The following AMN1 variants were observed in gnomAD, a reference collection of about 807,000 sequenced individuals.
The protein encoded by AMN1 is antagonist of mitotic exit network 1 homolog.
In AMN1, 20 loss-of-function variants were observed where a neutral mutation model predicts 33.0. The observed-to-expected ratio is 0.61, with a 90% CI of 0.43 to 0.88. The LOEUF (loss-of-function observed/expected upper bound fraction) is 0.88. Among genes scored for constraint, AMN1 ranks in the 40% least tolerant of loss-of-function variants. AMN1 has a pLI of 0.00. For missense variants in AMN1, 246 were observed against 307.4 expected, an observed-to-expected ratio of 0.80 and a Z score of 1.49; for synonymous variants, 114 against 111.9, an observed-to-expected ratio of 1.02 and a Z score of -0.12.
At chr12:31,688,319 A>G (rs1211979953) in intron 6 of AMN1, among the ~76,000 whole-genome samples, 2 of 152,230 alleles carry the variant, frequency 1.3e-5, no homozygotes, top group Non-Finnish European at 2.9e-5. Context: ...TGATAGATGT[A>G]ATATTATAAA....
intron 6 of AMN1, among the ~76,000 whole-genome samples, chr12:31,678,674 C>G (rs889091160): frequency 6.6e-6 from 1 of 152,032 alleles, no homozygotes; most frequent in Non-Finnish European, 1.5e-5. Context: ...GGATTACAGG[C>G]GTGAGCCACC....
rs377469329 is a variant in AMN1 at position 31,721,134 on chromosome 12, T to C, written c.38+7837A>G. Reference sequence around the variant, plus strand: ...AACAGTGCAAAGCCAGCTGCTTATATATCTGGCTCCTGCGACAGTCTGATT... The same window carrying C: ...AACAGTGCAAAGCCAGCTGCTTATACATCTGGCTCCTGCGACAGTCTGATT... On this transcript the variant is annotated intron_variant, in intron 1 of 6. Coordinates refer to ENST00000281471, the MANE Select transcript of AMN1 (RefSeq NM_001113402.2). Among the ~76,000 whole-genome samples, 8 of 152,240 alleles carry C rather than the reference T, an allele frequency of 5.3e-5. No individual in the cohort carries two copies. The East Asian group carries it at 1.3e-3, about 26-fold the overall frequency.
In AMN1 at chr12:31,683,209, T is replaced by C. The variant is rs1484750784; in HGVS notation, c.703+5798A>G. 6.6e-6 allele frequency among the ~76,000 whole-genome samples: 1 copy of C among 152,184 alleles called. No individual in the cohort carries two copies. Among genetic ancestry groups the C allele is most frequent in the Non-Finnish European group, 1.5e-5 (1 of 68,034 alleles). On this transcript the variant is annotated intron_variant, in intron 6 of 6. Transcript: ENST00000281471. The surrounding 1 kb of genome is among the most constrained non-coding windows in gnomAD (Gnocchi z 4.1). ...AACTCCTAATCTCAAGTGATCTGCC[T>C]GCCTTGGCCTCCCAAAGTGCAGGAC... is the stretch of plus-strand genomic sequence containing the variant.
intron 1 of AMN1, among the ~76,000 whole-genome samples, chr12:31,710,812 G>A (rs910210495): frequency 6.6e-6 from 1 of 152,186 alleles, no homozygotes; most frequent in Non-Finnish European, 1.5e-5. Context: ...TATGTTGTCA[G>A]ATTATTTTTC....
intron 6 of AMN1, among the ~76,000 whole-genome samples, chr12:31,685,489 C>G (rs770548958): frequency 2.0e-5 from 3 of 152,114 alleles, no homozygotes; most frequent in Non-Finnish European, 4.4e-5. Flanking sequence ...CCATGACTTT[C>G]ACATTTTTTC....
chr12:31,706,357 A>G (rs1425474234), intron 2 of AMN1, among the ~76,000 whole-genome samples: 2 of 151,058 alleles, frequency 1.3e-5, no homozygotes, highest in African/African-American at 4.9e-5. Flanking sequence ...TTTACCTACA[A>G]CTGTCTTGGT....
chr12:31,702,024 A>C lies in AMN1; in HGVS notation c.172-17T>G. The C allele has an allele frequency of 6.4e-7, 1 of 1,559,462 alleles. No individual in the cohort carries two copies. The highest frequency in any genetic ancestry group is 1.7e-4 in the Middle Eastern group (1 of 5,756). ...ATGTAAAATCTATAACAAATAAGTG[A>C]TTTTGAAAAAATTATTTCTTTCTAT... is the stretch of plus-strand genomic sequence containing the variant. On this transcript the variant is annotated splice_polypyrimidine_tract_variant and intron_variant, in intron 2 of 6. Transcript: ENST00000281471.
Position 31,685,800 on chromosome 12 carries a change from C to CAAAAAA in AMN1, c.703+3201_703+3206dup, listed in dbSNP as rs10525163. The stretch of plus-strand genomic sequence containing the variant: ...TGGGCGACAGAGCAAGACTCATTAT[C>CAAAAAA]AAAAAAAAAAGAAAGAAAGAAAGAA... On this transcript the variant is annotated intron_variant, in intron 6 of 6. Transcript: ENST00000281471. Among the ~76,000 whole-genome samples the CAAAAAA allele has an allele frequency of 5.4e-3, 650 of 120,968 alleles. 29 individuals carry two copies. The highest frequency in any genetic ancestry group is 6.7e-3 in the Non-Finnish European group (409 of 61,338). 79.4% of individuals were successfully genotyped at this position (120,968 alleles called of 152,430 possible).
At chr12:31,707,400 A>C (rs1372259065) in intron 2 of AMN1, among the ~76,000 whole-genome samples, 1 of 152,172 alleles carries the variant, frequency 6.6e-6, no homozygotes, top group Non-Finnish European at 1.5e-5. Flanking sequence ...GACCAGAACA[A>C]CACCATTTTG....
intron 6 of AMN1, among the ~76,000 whole-genome samples, chr12:31,676,135 G>C (rs1937684933): frequency 6.6e-6 from 1 of 151,572 alleles, no homozygotes. Context: ...TAAATCAAAT[G>C]AAAGTGAAAA....
chr12:31,689,199 G>A, intron 5 of AMN1, 81 bp from the exon 6 acceptor site: 2 of 918,062 alleles, frequency 2.2e-6, no homozygotes, highest in African/African-American at 1.7e-5. Context: ...GAAACATTCT[G>A]ATACAAAAAG....
intron 3 of AMN1, among the ~76,000 whole-genome samples, chr12:31,699,421 A>AAAAG (rs59968971): frequency 7.2e-6 from 1 of 139,078 alleles, no homozygotes; most frequent in Non-Finnish European, 1.6e-5. Context: ...AAAAAAAAAA[A>AAAAG]GAAAGAAAAG....
rs1938390607 is a variant in AMN1, at chr12:31,689,048, T to C, written c.662A>G (p.Gln221Arg). Residue 221 changes from glutamine (Q) to arginine (R), a missense_variant, in exon 6 of 7, where the codon CAA (glutamine) becomes CGA (arginine). Physicochemically the swap from Gln to Arg is conservative, Grantham distance 43. Coordinates refer to ENST00000281471, the MANE Select transcript of AMN1 (RefSeq NM_001113402.2). ...TCCATGGAAGAGTAATATACGTATT[T>C]GAGGACAGTAAGTAAGGACAGCTTC... ...AVEAVLTYCP[Q>R]IRILLFHGCP... 3 of 1,613,528 alleles carry C rather than the reference T, an allele frequency of 1.9e-6. No homozygotes were observed. The highest frequency in any genetic ancestry group is 2.5e-6 in the Non-Finnish European group (3 of 1,179,738).
At chr12:31,674,163 C>T (rs1951337664) in intron 6 of AMN1, among the ~76,000 whole-genome samples, 1 of 152,118 alleles carries the variant, frequency 6.6e-6, no homozygotes, top group Non-Finnish European at 1.5e-5. Context: ...AATCCCAGCA[C>T]TTTGGGAGGC....
In AMN1 at chr12:31,687,859, T is replaced by C. The variant is rs1938334225; in HGVS notation, c.703+1148A>G. 6.6e-6 allele frequency among the ~76,000 whole-genome samples: 1 copy of C among 152,116 alleles called. No homozygotes were observed. Among genetic ancestry groups the C allele is most frequent in the South Asian group, 2.1e-4 (1 of 4,828 alleles). On this transcript the variant is annotated intron_variant, in intron 6 of 6. Transcript: ENST00000281471. The surrounding 1 kb of genome is among the most constrained non-coding windows in gnomAD (Gnocchi z 4.1). ...CCATGGTTTCTAGGGTAGGAGGATA[T>C]ATACCATGGCTCTTATACAGGCAAA...
intron 1 of AMN1, among the ~76,000 whole-genome samples, chr12:31,709,807 C>A (rs375630593): frequency 6.6e-6 from 1 of 152,018 alleles, no homozygotes; most frequent in Non-Finnish European, 1.5e-5. Context: ...CCAGCCTGGG[C>A]AACAGAGCAA....
At chr12:31,706,595 A>T (rs1939250184) in intron 2 of AMN1, among the ~76,000 whole-genome samples, 1 of 151,644 alleles carries the variant, frequency 6.6e-6, no homozygotes, top group Non-Finnish European at 1.5e-5. Flanking sequence ...AGTAGTATCG[A>T]AGGAAATTAT....
In AMN1 at chr12:31,701,857, A is replaced by G; in HGVS notation, c.316+6T>C. 1 of 1,594,062 alleles carries G rather than the reference A, an allele frequency of 6.3e-7. No individual in the cohort carries two copies. Among genetic ancestry groups the G allele is most frequent in the Non-Finnish European group, 8.5e-7 (1 of 1,174,886 alleles). On this transcript the variant is annotated splice_donor_region_variant and intron_variant, in intron 3 of 6. Coordinates refer to ENST00000281471, the MANE Select transcript of AMN1 (RefSeq NM_001113402.2). ...CTACCAATGTACTCAGTGTTAATAA[A>G]CATACCTTCTGAAGTTACAGAAACT...
chr12:31,728,337 G>C (rs999734567), intron 1 of AMN1, among the ~76,000 whole-genome samples: 6 of 152,160 alleles, frequency 3.9e-5, no homozygotes, highest in African/African-American at 1.4e-4. Context: ...TTTATTATTT[G>C]CTGGGCATCC....
Sources: gnomAD v4.1 joint callset for allele counts (sites outside exome capture counted in the v4.1 genomes callset) on GRCh38, gnomAD v4.1.1 for gene constraint, Gnocchi (gnomAD v3.1) non-coding constraint, MANE v1.5 for transcripts, NCBI Gene and HGNC (gene_info 2026-07-23, HGNC 2026-07-21) for gene names.